Variants in ENOX1 observed in about 807,000 individuals in gnomAD.
ENOX1 encodes the protein candidate growth-related and time keeping constitutive hydroquinone (NADH) oxidase.
In ENOX1, 42 loss-of-function variants were observed where a neutral mutation model predicts 82.5. The ratio of observed to expected loss-of-function variants is 0.51; its 90% CI spans 0.40 to 0.66. The LOEUF (loss-of-function observed/expected upper bound fraction) is 0.66. ENOX1 is among the 30% of genes least tolerant of loss of function. The pLI, the probability that ENOX1 is intolerant of heterozygous loss-of-function variation, is 0.00. For synonymous variants in ENOX1, 271 were observed against 282.2 expected (o/e 0.96, Z 0.40); for missense variants, 608 against 811.6 (o/e 0.75, Z 3.05).
intron 2 of ENOX1, among the ~76,000 whole-genome samples, chr13:43,644,143 CAT>C (rs1446650768): frequency 1.3e-5 from 2 of 152,170 alleles, no homozygotes; most frequent in Admixed American, 6.5e-5. Flanking sequence ...ATCACACACA[CAT>C]GTGAGTTATC....
intron 2 of ENOX1, among the ~76,000 whole-genome samples, chr13:43,517,103 T>A (rs2153680261): frequency 6.6e-6 from 1 of 152,328 alleles, no homozygotes; most frequent in South Asian, 2.1e-4. Flanking sequence ...ACCACACAAA[T>A]AAACAATGTG....
At position 43,213,704 on chromosome 13, in the gene ENOX1, A is replaced by C. The variant is rs2041307373; in HGVS notation, c.*286T>G. On this transcript the variant is annotated 3_prime_UTR_variant, in exon 17 of 17. Transcript: ENST00000690772. ...ATATTTTGCTTGGTGAGCTATTCTCAAATGTAGCACATTTTAAGATTTTGC... is the reference window on the plus strand; with the variant it reads ...ATATTTTGCTTGGTGAGCTATTCTCCAATGTAGCACATTTTAAGATTTTGC... 1 of 208,250 alleles carries C rather than the reference A, an allele frequency of 4.8e-6. No individual in the cohort carries two copies. The highest frequency in any genetic ancestry group is 9.6e-6 in the Non-Finnish European group (1 of 103,728). The allele number at this position is 208,250 out of a possible 1,614,324, so 12.9% of individuals were successfully genotyped here. A position where few individuals can be genotyped will look rare whatever the true frequency, so the allele number is the denominator to read the frequency against.
intron 10 of ENOX1, among the ~76,000 whole-genome samples, chr13:43,325,023 C>A (rs1165713338): frequency 6.6e-6 from 1 of 152,118 alleles, no homozygotes; most frequent in Non-Finnish European, 1.5e-5. Context: ...ACTGATCATT[C>A]CCAAATCTGA....
intron 2 of ENOX1, among the ~76,000 whole-genome samples, chr13:43,610,242 G>A (rs1403612146): frequency 6.6e-6 from 1 of 152,136 alleles, no homozygotes. Flanking sequence ...CATTTTGCAG[G>A]TGATAAATAA....
At chr13:43,763,982 A>C (rs1253242446) in intron 1 of ENOX1, among the ~76,000 whole-genome samples, 3 of 152,242 alleles carry the variant, frequency 2.0e-5, no homozygotes, top group Non-Finnish European at 4.4e-5. Flanking sequence ...TTCCTGAAGA[A>C]TCCCAAAGGA....
At chr13:43,423,364 C>G (rs1383564472) in intron 3 of ENOX1, among the ~76,000 whole-genome samples, 1 of 152,112 alleles carries the variant, frequency 6.6e-6, no homozygotes, top group African/African-American at 2.4e-5. Context: ...TAAACATAAG[C>G]CTGGATCCAT....
intron 2 of ENOX1, among the ~76,000 whole-genome samples, chr13:43,525,686 T>C (rs921669384): frequency 6.6e-6 from 1 of 152,124 alleles, no homozygotes; most frequent in Admixed American, 6.5e-5. Flanking sequence ...AGGTGTGAAA[T>C]GGTATCTCCA....
intron 1 of ENOX1, among the ~76,000 whole-genome samples, chr13:43,764,469 A>ATCTTCTTGTTAG (rs1951158933): frequency 6.6e-6 from 1 of 152,244 alleles, no homozygotes; most frequent in African/African-American, 2.4e-5. Context: ...GAAAAGAGTT[A>ATCTTCTTGTTAG]CACTTGATCT....
intron 2 of ENOX1, among the ~76,000 whole-genome samples, chr13:43,485,460 A>C (rs1282319137): frequency 6.6e-6 from 1 of 152,224 alleles, no homozygotes. Flanking sequence ...GGTCATGCAT[A>C]ACTTTTGAAA....
chr13:43,712,039 T>A (rs899489704), intron 1 of ENOX1, among the ~76,000 whole-genome samples: 1 of 151,528 alleles, frequency 6.6e-6, no homozygotes, highest in Non-Finnish European at 1.5e-5. Context: ...TTCTTCTAGG[T>A]TTTTTATGGT....
chr13:43,762,022 G>A (rs927269686), intron 1 of ENOX1, among the ~76,000 whole-genome samples: 4 of 152,166 alleles, frequency 2.6e-5, no homozygotes, highest in East Asian at 1.9e-4. Flanking sequence ...GAAGGGTAAT[G>A]TTTAATGTGC....
chr13:43,773,460 G>A (rs1031366769), intron 1 of ENOX1, among the ~76,000 whole-genome samples: 1 of 152,114 alleles, frequency 6.6e-6, no homozygotes, highest in Non-Finnish European at 1.5e-5. Context: ...CAGCATAATT[G>A]GGTCCTAACC....
intron 5 of ENOX1, among the ~76,000 whole-genome samples, chr13:43,370,349 A>T (rs993127669): frequency 6.6e-6 from 1 of 152,120 alleles, no homozygotes; most frequent in South Asian, 2.1e-4. Flanking sequence ...CCTGGGCAAC[A>T]CAGCGAGACT....
intron 1 of ENOX1, among the ~76,000 whole-genome samples, chr13:43,721,137 G>C (rs1254005684): frequency 6.6e-6 from 1 of 152,132 alleles, no homozygotes; most frequent in African/African-American, 2.4e-5. Context: ...GTTTTGTGCA[G>C]TGTTTCCACT....
intron 2 of ENOX1, among the ~76,000 whole-genome samples, chr13:43,622,060 G>A (rs1196267621): frequency 6.6e-6 from 1 of 152,056 alleles, no homozygotes; most frequent in African/African-American, 2.4e-5. Context: ...AGACTTTCCA[G>A]AGCAAAAATG....
intron 2 of ENOX1, among the ~76,000 whole-genome samples, chr13:43,535,608 T>C (rs2078425381): frequency 6.6e-6 from 1 of 152,114 alleles, no homozygotes; most frequent in Non-Finnish European, 1.5e-5. Context: ...TTCACCAAGT[T>C]CACGATTCAG....
intron 13 of ENOX1, 47 bp downstream of exon 13, chr13:43,269,423 G>A: frequency 1.4e-6 from 2 of 1,403,700 alleles, no homozygotes; most frequent in Non-Finnish European, 1.0e-6. Flanking sequence ...GGTATGCAAT[G>A]GGGTGTTTGG....
chr13:43,726,263 T>G (rs1218574916), intron 1 of ENOX1, among the ~76,000 whole-genome samples: 1 of 151,424 alleles, frequency 6.6e-6, no homozygotes, highest in African/African-American at 2.4e-5. Flanking sequence ...TGCCCAGGCT[T>G]GAGTGTGCAG....
chr13:43,231,517 T>C (rs1266104812), intron 15 of ENOX1, among the ~76,000 whole-genome samples: 2 of 152,224 alleles, frequency 1.3e-5, no homozygotes, highest in African/African-American at 2.4e-5. Flanking sequence ...TAGTTTTGTG[T>C]TGTAATATTT....
Sources: gnomAD v4.1 joint callset for allele counts (sites outside exome capture counted in the v4.1 genomes callset) on GRCh38, gnomAD v4.1.1 for gene constraint, MANE v1.5 for transcripts, NCBI Gene and HGNC (gene_info 2026-07-23, HGNC 2026-07-21) for gene names.